Variants in CYB561A3 observed in about 807,000 individuals in gnomAD.
The protein encoded by CYB561A3 is cytochrome b561 family member A3.
A neutral mutation model predicts 25.3 loss-of-function variants in CYB561A3; 16 were observed. The ratio of observed to expected loss-of-function variants is 0.63; its 90% CI spans 0.43 to 0.96. The LOEUF (loss-of-function observed/expected upper bound fraction) is 0.96, where lower values mean the gene tolerates loss of function less well. Among genes scored for constraint, CYB561A3 ranks in the 40% least tolerant of loss-of-function variants. The pLI is 0.00. For synonymous variants in CYB561A3, 131 were observed against 129.9 expected (o/e 1.01, Z -0.06); for missense variants, 219 against 307.5 (o/e 0.71, Z 2.15).
chr11:61,357,115 G>A, intron 2 of CYB561A3: 4 of 1,503,232 alleles, frequency 2.7e-6, no homozygotes, highest in Non-Finnish European at 3.6e-6. Context: ...TCAAAATCCA[G>A]GCTAAATTAC....
chr11:61,353,721 G>A, intron 4 of CYB561A3, 63 bp downstream of exon 4: 1 of 1,551,686 alleles, frequency 6.4e-7, no homozygotes, highest in Non-Finnish European at 8.9e-7. Flanking sequence ...GCTCATGCAA[G>A]TGAACCCCCA....
intron 3 of CYB561A3, 84 bp from the exon 4 acceptor site, chr11:61,354,076 A>C: frequency 4.3e-6 from 6 of 1,403,470 alleles, no homozygotes; most frequent in South Asian, 2.5e-5. Flanking sequence ...AGGATCCTAC[A>C]CAGCTTCCCA....
At chr11:61,350,563 TG>T in intron 6 of CYB561A3, 141 bp from the exon 7 acceptor site, 1 of 1,054,434 alleles carries the variant, frequency 9.5e-7, no homozygotes, top group Non-Finnish European at 1.4e-6. Flanking sequence ...CCAAAGTCCC[TG>T]AGCCTGGTAC....
intron 6 of CYB561A3, chr11:61,350,682 C>A: frequency 1.7e-6 from 1 of 594,692 alleles, no homozygotes; most frequent in Non-Finnish European, 2.9e-6. Context: ...AGAAATCACA[C>A]ACCCTTGTCA....
chr11:61,352,071 C>T (rs1342376182), intron 5 of CYB561A3: 1 of 152,216 alleles, frequency 6.6e-6, no homozygotes, highest in African/African-American at 2.4e-5. Flanking sequence ...AAGCTCAAAG[C>T]AATGAAATTA....
At chr11:61,350,480 C>T in intron 6 of CYB561A3, 58 bp from the exon 7 acceptor site, 1 of 1,597,918 alleles carries the variant, frequency 6.3e-7, no homozygotes, top group Non-Finnish European at 8.5e-7. Flanking sequence ...TCACACCAGG[C>T]CCAAGCTGTT....
intron 2 of CYB561A3, chr11:61,357,092 A>T: frequency 6.8e-7 from 1 of 1,461,546 alleles, no homozygotes; most frequent in East Asian, 2.5e-5. Flanking sequence ...CCCCAGGAAA[A>T]AAGGGACAGG....
At position 61,355,757 on chromosome 11, in the gene CYB561A3, TGA is replaced by T. The variant is rs149148506; in HGVS notation, c.184+771_184+772del. Among the ~76,000 whole-genome samples, 1,005 of 151,338 alleles carry T rather than the reference TGA, an allele frequency of 6.6e-3. 11 individuals are homozygous for T. Among genetic ancestry groups the T allele is most frequent in the African/African-American group, 0.024 (971 of 41,232 alleles). ...CTCATTCGGTGGCCTGACTAAACCA[TGA>T]GAGGCTTCAATCTCCTGTTCTCTAG... On this transcript the variant is annotated intron_variant, in intron 3 of 6. Transcript: ENST00000294072.
At chr11:61,357,707 C>T (rs371299548) in intron 2 of CYB561A3, 26 bp downstream of exon 2, 6 of 161,450 alleles carry the variant, frequency 3.7e-5, no homozygotes, top group African/African-American at 7.2e-5. Context: ...ATAGCCCCCA[C>T]GGAGGTAAAA....
In CYB561A3 at chr11:61,350,112, G is replaced by A; in HGVS notation, c.*287C>T. ...ACCAAGGAAAGCAGACAGGCAGCAA[G>A]CAGCCAGAGAAGGCAGGCCCAGCAC... On this transcript the variant is annotated 3_prime_UTR_variant, in exon 7 of 7. Coordinates refer to ENST00000294072, the MANE Select transcript of CYB561A3 (RefSeq NM_153611.6). The A allele has an allele frequency of 1.8e-6, 1 of 570,366 alleles. No individual in the cohort carries two copies. The highest frequency in any genetic ancestry group is 2.1e-5 in the South Asian group (1 of 47,190). 35.3% of individuals were successfully genotyped at this position (570,366 alleles called of 1,614,324 possible). A position where few individuals can be genotyped will look rare whatever the true frequency, so the allele number is the denominator to read the frequency against.
At chr11:61,359,471 A>G (rs964007253) in intron 1 of CYB561A3, 3 of 152,170 alleles carry the variant, frequency 2.0e-5, no homozygotes, top group Non-Finnish European at 2.9e-5. Flanking sequence ...GATCTTGATC[A>G]GCAGGCTCAC....
chr11:61,352,518 G>A (rs527604612), intron 5 of CYB561A3: 89 of 168,142 alleles, frequency 5.3e-4, no homozygotes, highest in South Asian at 1.3e-3. Context: ...AAAATTAGCC[G>A]GGCATGGTGG....
In CYB561A3 at chr11:61,348,819, T is replaced by C. The variant is rs1857264503; in HGVS notation, c.*1580A>G. 6.6e-6 allele frequency: 1 copy of C among 152,290 alleles called. No individual in the cohort carries two copies. Among genetic ancestry groups the C allele is most frequent in the South Asian group, 2.1e-4 (1 of 4,832 alleles). 9.4% of individuals were successfully genotyped at this position (152,290 alleles called of 1,614,324 possible). On this transcript the variant is annotated 3_prime_UTR_variant, in exon 7 of 7. Coordinates refer to ENST00000294072, the MANE Select transcript of CYB561A3 (RefSeq NM_153611.6). The stretch of plus-strand genomic sequence containing the variant: ...ACAAAGACAGCTTTGATTCTTAACA[T>C]ATTTAATGAAACTCGAGCTTCATAA...
At chr11:61,360,790 C>G (rs1161472633) in intron 1 of CYB561A3, 2 of 151,970 alleles carry the variant, frequency 1.3e-5, no homozygotes, top group African/African-American at 4.8e-5. Context: ...CCAGCCTGAC[C>G]AACATGGAGA....
intron 2 of CYB561A3, 158 bp from the exon 3 acceptor site, chr11:61,356,886 C>G: frequency 2.8e-6 from 4 of 1,447,894 alleles, no homozygotes; most frequent in Non-Finnish European, 3.6e-6. Flanking sequence ...CCCGAGGCCT[C>G]AATGCCTGGG....
intron 3 of CYB561A3, chr11:61,354,383 A>T (rs1857556815): frequency 4.7e-6 from 1 of 211,328 alleles, no homozygotes; most frequent in African/African-American, 2.3e-5. Context: ...AAAAGGGAGG[A>T]GGGCTGGGCA....
Position 61,351,148 on chromosome 11 carries a change from C to G in CYB561A3, c.549-1G>C, listed in dbSNP as rs1857388087. The G allele has an allele frequency of 7.5e-6, 12 of 1,606,068 alleles. No homozygotes were observed. Among genetic ancestry groups the G allele is most frequent in the Non-Finnish European group, 1.0e-5 (12 of 1,177,060 alleles). On this transcript the variant is annotated splice_acceptor_variant, in intron 5 of 6. Coordinates refer to ENST00000294072, the MANE Select transcript of CYB561A3 (RefSeq NM_153611.6). LOFTEE classifies it high-confidence loss of function. ...GTGGTATGGCCTGGTGGTGTTTTTC[C>G]TGAAGATGACAAAACAATGTGAGCC...
At chr11:61,357,376 G>C in intron 2 of CYB561A3, 1 of 672,838 alleles carries the variant, frequency 1.5e-6, no homozygotes, top group Non-Finnish European at 2.4e-6. Flanking sequence ...CTTCCTCTGG[G>C]GAAAGTCCAG....
chr11:61,350,315 G>C lies in CYB561A3; in HGVS notation c.*84C>G. On this transcript the variant is annotated 3_prime_UTR_variant, in exon 7 of 7. Coordinates refer to ENST00000294072, the MANE Select transcript of CYB561A3 (RefSeq NM_153611.6). ...GGAAGAAAGTCGCCTGCTGAAACCA[G>C]CCGGGAGCCCTGGGAAGAGCAGAGC... The C allele has an allele frequency of 6.5e-7, 1 of 1,544,150 alleles. No individual in the cohort carries two copies. Among genetic ancestry groups the C allele is most frequent in the Non-Finnish European group, 8.8e-7 (1 of 1,139,010 alleles).
Sources: gnomAD v4.1 joint callset for allele counts (sites outside exome capture counted in the v4.1 genomes callset) on GRCh38, gnomAD v4.1.1 for gene constraint, MANE v1.5 for transcripts, NCBI Gene and HGNC (gene_info 2026-07-23, HGNC 2026-07-21) for gene names.